Variants in DOCK11 observed in about 807,000 individuals in gnomAD.
DOCK11 encodes dedicator of cytokinesis 11, also known as dedicator of cytokinesis protein 11.
In DOCK11, 70 loss-of-function variants were observed where a neutral mutation model predicts 169.1. That is an observed-to-expected ratio of 0.41 (90% CI 0.34 to 0.51). The LOEUF (loss-of-function observed/expected upper bound fraction) is 0.51. DOCK11 is among the 20% of genes least tolerant of loss of function. The pLI is 0.10. For synonymous variants in DOCK11, 529 were observed against 541.3 expected (o/e 0.98, Z 0.32); for missense variants, 1,166 against 1,538.8 (o/e 0.76, Z 4.05).
chrX:118,616,352 C>A, intron 30 of DOCK11: 1 of 453,279 alleles, frequency 2.2e-6, no homozygotes, highest in Non-Finnish European at 3.2e-6. Context: ...TCTCCCTAGC[C>A]AAAATGAGGC....
chrX:118,579,974 ATTTCTATAT>A, intron 13 of DOCK11, 114 bp from the exon 14 acceptor site: 1 of 459,552 alleles, frequency 2.2e-6, no homozygotes, highest in Non-Finnish European at 3.5e-6. Context: ...GCTTGTGGCT[ATTTCTATAT>A]ATTTTTTTGA....
intron 36 of DOCK11, among the ~76,000 whole-genome samples, chrX:118,636,864 C>CACAT (rs1416887759): frequency 9.1e-6 from 1 of 109,975 alleles, no homozygotes; most frequent in Non-Finnish European, 1.9e-5. Flanking sequence ...CACACACACA[C>CACAT]GTGTATATGT....
At chrX:118,609,592 G>C (rs2014627600) in intron 27 of DOCK11, among the ~76,000 whole-genome samples, 1 of 112,027 alleles carries the variant, frequency 8.9e-6, no homozygotes, top group African/African-American at 3.2e-5. Flanking sequence ...AATCTGCAGA[G>C]ACTTTTCCAC....
At position 118,582,711 on chromosome X, in the gene DOCK11, A is replaced by G. The variant is rs751551208; in HGVS notation, c.1596-2024A>G. Among the ~76,000 whole-genome samples, 17 of 112,060 alleles carry G rather than the reference A, an allele frequency of 1.5e-4. No individual in the cohort carries two copies. The South Asian group carries it at 6.0e-3, about 39-fold the overall frequency. Reference sequence around the variant, plus strand: ...TCATCACTGGTCATTAGAGAAATGCAAATCAAAACCGCAACGAGATACCAT... The same window carrying G: ...TCATCACTGGTCATTAGAGAAATGCGAATCAAAACCGCAACGAGATACCAT... On this transcript the variant is annotated intron_variant, in intron 14 of 52. Coordinates refer to ENST00000276202, the MANE Select transcript of DOCK11 (RefSeq NM_144658.4).
chrX:118,568,425 T>TATATATATA (rs1262713292), intron 10 of DOCK11, among the ~76,000 whole-genome samples: 8 of 77,088 alleles, frequency 1.0e-4, no homozygotes, highest in Non-Finnish European at 1.5e-4. Flanking sequence ...TATATATATA[T>TATATATATA]TTCTCAGTTT....
intron 1 of DOCK11, among the ~76,000 whole-genome samples, chrX:118,511,564 T>A (rs2057651059): frequency 8.9e-6 from 1 of 112,156 alleles, no homozygotes; most frequent in Non-Finnish European, 1.9e-5. Context: ...TATTTTGCGA[T>A]TTACTACTTT....
At chrX:118,647,525 A>AATAATATAAT (rs2015719237) in intron 40 of DOCK11, among the ~76,000 whole-genome samples, 1 of 47,997 alleles carries the variant, frequency 2.1e-5, no homozygotes, top group African/African-American at 1.2e-4. Flanking sequence ...TATAATATAT[A>AATAATATAAT]ATATAATATT....
rs762501429 is a variant in DOCK11, at chrX:118,597,849, G to T, written c.2386-181G>T. ...TAATTTATAAAAATAGTCTGCAAAG[G>T]ATTGGAAATGTAAAATGATTTATGA... On this transcript the variant is annotated intron_variant, in intron 21 of 52. Transcript: ENST00000276202. 1.5e-4 allele frequency among the ~76,000 whole-genome samples: 17 copies of T among 111,708 alleles called. No homozygotes were observed. In the East Asian group the frequency reaches 3.9e-3, roughly 26 times the overall value.
intron 1 of DOCK11, among the ~76,000 whole-genome samples, chrX:118,531,769 G>A (rs1445010835): frequency 9.1e-6 from 1 of 109,993 alleles, no homozygotes; most frequent in Admixed American, 9.8e-5. Context: ...ATGATGGCCA[G>A]GCAGGTCTCG....
chrX:118,644,382 C>G (rs73587397), intron 40 of DOCK11, among the ~76,000 whole-genome samples: 2,227 of 111,770 alleles, frequency 0.02, 71 homozygotes, highest in African/African-American at 0.069. Context: ...TTAATAGATA[C>G]AGAAATTAGA....
At chrX:118,532,029 G>A (rs2011604725) in intron 1 of DOCK11, among the ~76,000 whole-genome samples, 1 of 110,136 alleles carries the variant, frequency 9.1e-6, no homozygotes, top group East Asian at 2.8e-4. Flanking sequence ...TAGGGGGTTT[G>A]TCATAGGGAA....
intron 1 of DOCK11, among the ~76,000 whole-genome samples, chrX:118,505,329 G>T (rs903066703): frequency 1.1e-4 from 12 of 112,407 alleles, no homozygotes; most frequent in Non-Finnish European, 1.9e-5. Flanking sequence ...GCCCAGCCTT[G>T]AGTGAGTTAT....
intron 1 of DOCK11, among the ~76,000 whole-genome samples, chrX:118,530,178 T>C (rs4825387): frequency 0.28 from 31,443 of 111,774 alleles, 3,593 homozygotes; most frequent in Non-Finnish European, 0.36. Context: ...GCAAACATTT[T>C]CTCTCTCTTA....
chrX:118,645,676 A>G (rs1327834972), intron 40 of DOCK11, among the ~76,000 whole-genome samples: 2 of 109,489 alleles, frequency 1.8e-5, no homozygotes, highest in East Asian at 2.9e-4. Context: ...AAAAGAATTC[A>G]TAATTATTAT....
At chrX:118,521,894 C>T (rs916421665) in intron 1 of DOCK11, among the ~76,000 whole-genome samples, 10 of 111,933 alleles carry the variant, frequency 8.9e-5, no homozygotes, top group Non-Finnish European at 1.9e-4. Context: ...ATTTCTAAAA[C>T]TTGAAAACTG....
intron 1 of DOCK11, among the ~76,000 whole-genome samples, chrX:118,526,238 A>G (rs5957021): frequency 0.15 from 16,818 of 111,308 alleles, 2,920 homozygotes; most frequent in African/African-American, 0.5. Flanking sequence ...TCATTCTCAC[A>G]TCCCTTACTA....
intron 23 of DOCK11, 114 bp from the exon 24 acceptor site, chrX:118,605,124 G>T (rs980173474): frequency 2.2e-5 from 10 of 456,294 alleles, no homozygotes; most frequent in Admixed American, 8.7e-5. Context: ...ACTTTTAATT[G>T]AGCTTATATG....
Position 118,561,398 on chromosome X carries a change from TA to T in DOCK11, c.575del (p.Tyr192PhefsTer4). 8.3e-7 allele frequency: 1 copy of T among 1,200,138 alleles called. No homozygotes were observed. On this transcript the variant is annotated frameshift_variant, in exon 7 of 53. Transcript: ENST00000276202. LOFTEE classifies it high-confidence loss of function. The stretch of plus-strand genomic sequence containing the variant: ...CCCCATGTAGGTATTCAAGAGACGA[TA>T]TTTTTACTTGACCCAACTTCCTGAC... ...TVTMKVFKRRYFYLTQLPDGS... is the reference protein window; with the variant it reads ...TVTMKVFKRRXFYLTQLPDGS...
At chrX:118,674,325 T>C (rs1343187494) in intron 46 of DOCK11, among the ~76,000 whole-genome samples, 1 of 111,297 alleles carries the variant, frequency 9.0e-6, no homozygotes, top group Non-Finnish European at 1.9e-5. Flanking sequence ...TTTGTATTTT[T>C]AATAGAGATG....
Sources: allele counts gnomAD v4.1 joint callset (sites outside exome capture counted in the v4.1 genomes callset), GRCh38; gene constraint gnomAD v4.1.1; transcripts MANE v1.5; gene names NCBI Gene and HGNC (gene_info 2026-07-23, HGNC 2026-07-21).